Variants in PRPF39 observed in about 807,000 individuals in gnomAD.
The protein encoded by PRPF39 is pre-mRNA-processing factor 39.
In PRPF39, 27 loss-of-function variants were observed where a neutral mutation model predicts 82.1. The observed-to-expected ratio is 0.33, with a 90% CI of 0.24 to 0.45. The LOEUF is 0.45. PRPF39 is among the 20% of genes least tolerant of loss of function. The probability of loss-of-function intolerance (pLI) is 1.00; values close to 1 mark genes in which losing one functional copy is unlikely to be tolerated. For missense variants in PRPF39, 581 were observed against 796.9 expected, an observed-to-expected ratio of 0.73 and a Z score of 3.26; for synonymous variants, 261 against 256.4, an observed-to-expected ratio of 1.02 and a Z score of -0.17.
intron 1 of PRPF39, among the ~76,000 whole-genome samples, chr14:45,090,850 G>A (rs1883999128): frequency 6.6e-6 from 1 of 151,994 alleles, no homozygotes; most frequent in Non-Finnish European, 1.5e-5. Context: ...TACAGTGCTG[G>A]ACATCCATCA....
intron 4 of PRPF39, among the ~76,000 whole-genome samples, chr14:45,099,542 TCA>T (rs1270124337): frequency 1.3e-5 from 2 of 152,088 alleles, no homozygotes; most frequent in African/African-American, 4.8e-5. Flanking sequence ...CCTCCTGGGT[TCA>T]CGCCATTCTT....
intron 11 of PRPF39, among the ~76,000 whole-genome samples, chr14:45,113,365 A>G (rs1332399859): frequency 6.6e-6 from 1 of 152,234 alleles, no homozygotes; most frequent in African/African-American, 2.4e-5. Flanking sequence ...AATTCATAGC[A>G]GTAGAATGAG....
At position 45,103,114 on chromosome 14, in the gene PRPF39, A is replaced by G. The variant is rs534487291; in HGVS notation, c.737+418A>G. ...CTAAATATACATTATTGTGATTGCT[A>G]TAACACCTTATATCCAAAACAGTGA... On this transcript the variant is annotated intron_variant, in intron 5 of 13. Transcript: ENST00000355765. Among the ~76,000 whole-genome samples the G allele has an allele frequency of 6.6e-4, 101 of 152,312 alleles. No individual in the cohort carries two copies. The South Asian group carries it at 8.3e-3, about 12-fold the overall frequency.
In PRPF39 at chr14:45,114,548, TAC is replaced by T; in HGVS notation, c.1891_1892del (p.Gln631AspfsTer3). 1 of 1,606,292 alleles carries T rather than the reference TAC, an allele frequency of 6.2e-7. No homozygotes were observed. The highest frequency in any genetic ancestry group is 8.5e-7 in the Non-Finnish European group (1 of 1,177,070). On this transcript the variant is annotated frameshift_variant, in exon 13 of 14. Transcript: ENST00000355765. LOFTEE classifies it high-confidence loss of function. ...AHTEDTTSSSTQMIDGDLQAN... is the reference protein window; with the variant it reads ...AHTEDTTSSSXQMIDGDLQAN... Reference sequence around the variant, plus strand: ...ATACAGAAGATACAACTTCATCATCTACACAGATGATTGATGGTGATTTACAG... The same window carrying T: ...ATACAGAAGATACAACTTCATCATCTACAGATGATTGATGGTGATTTACAG...
intron 1 of PRPF39, among the ~76,000 whole-genome samples, chr14:45,088,510 T>C (rs895089155): frequency 1.3e-5 from 2 of 152,226 alleles, no homozygotes; most frequent in Non-Finnish European, 2.9e-5. Flanking sequence ...ATAGAATGTC[T>C]GGGCTGTACA....
intron 1 of PRPF39, among the ~76,000 whole-genome samples, chr14:45,084,701 C>CA (rs1883766127): frequency 6.6e-6 from 1 of 152,148 alleles, no homozygotes. Context: ...CTTCTGACTA[C>CA]ATAAGCAACA....
chr14:45,087,712 T>C (rs1164611665), intron 1 of PRPF39, among the ~76,000 whole-genome samples: 1 of 151,402 alleles, frequency 6.6e-6, no homozygotes, highest in Non-Finnish European at 1.5e-5. Context: ...AAGCTGGGAC[T>C]ACAGGCGCCC....
At chr14:45,113,308 C>T (rs573797346) in intron 11 of PRPF39, among the ~76,000 whole-genome samples, 47 of 152,108 alleles carry the variant, frequency 3.1e-4, no homozygotes, top group Non-Finnish European at 5.7e-4. Context: ...TATATATTTG[C>T]GTGCTTGGCA....
chr14:45,106,077 C>T (rs538091875), intron 5 of PRPF39, among the ~76,000 whole-genome samples: 12 of 151,980 alleles, frequency 7.9e-5, no homozygotes, highest in South Asian at 2.1e-4. Flanking sequence ...TGGCGGGGCA[C>T]GGTGGCTCAC....
chr14:45,093,173 A>AT (rs1884092050), intron 1 of PRPF39, among the ~76,000 whole-genome samples: 1 of 152,150 alleles, frequency 6.6e-6, no homozygotes, highest in South Asian at 2.1e-4. Flanking sequence ...TTCTGTATCA[A>AT]TACAGATGTA....
chr14:45,089,412 T>G (rs1883948065), intron 1 of PRPF39, among the ~76,000 whole-genome samples: 1 of 152,192 alleles, frequency 6.6e-6, no homozygotes, highest in Non-Finnish European at 1.5e-5. Context: ...GGGAGTTTAT[T>G]TCTGTGTTCT....
chr14:45,092,780 G>A (rs1037747489), intron 1 of PRPF39, among the ~76,000 whole-genome samples: 1 of 151,962 alleles, frequency 6.6e-6, no homozygotes, highest in Non-Finnish European at 1.5e-5. Context: ...CAGAATCATT[G>A]TAGTCGGTAA....
intron 12 of PRPF39, 57 bp from the exon 13 acceptor site, chr14:45,114,437 C>A: frequency 1.3e-6 from 2 of 1,483,516 alleles, no homozygotes; most frequent in South Asian, 1.4e-5. Flanking sequence ...TTCATCTATT[C>A]GTTAAAGTTC....
chr14:45,094,566 C>A lies in PRPF39; in HGVS notation c.-19-655C>A, dbSNP rs535400932. 1.2e-4 allele frequency among the ~76,000 whole-genome samples: 18 copies of A among 152,032 alleles called. 3 individuals carry two copies. The highest frequency in any genetic ancestry group is 3.6e-4 in the African/African-American group (15 of 41,458). Reference sequence around the variant, plus strand: ...GCAGCTGTGTGCCACCATGCCTGGCCCCTTAAATGTGTTTTAAGTAACATT... The same window carrying A: ...GCAGCTGTGTGCCACCATGCCTGGCACCTTAAATGTGTTTTAAGTAACATT... On this transcript the variant is annotated intron_variant, in intron 1 of 13. Transcript: ENST00000355765.
In PRPF39 at chr14:45,114,496, CAGA is replaced by C. The variant is rs1172989706; in HGVS notation, c.1840_1842del (p.Glu614del). 51 of 1,571,526 alleles carry C rather than the reference CAGA, an allele frequency of 3.2e-5. No individual in the cohort carries two copies. The highest frequency in any genetic ancestry group is 4.2e-5 in the Non-Finnish European group (49 of 1,166,858). ...TTCCATTCTGACGTTTTATATAGAT[CAGA>C]AGAACCAGAGGAAAAGAAAGCACAT... On this transcript the variant is annotated inframe_deletion, in exon 13 of 14. Transcript: ENST00000355765.
intron 1 of PRPF39, among the ~76,000 whole-genome samples, chr14:45,087,288 C>T (rs1227216003): frequency 6.6e-6 from 1 of 151,972 alleles, no homozygotes; most frequent in Non-Finnish European, 1.5e-5. Context: ...TTTGTAGAGA[C>T]AGCATTTCCC....
chr14:45,111,008 T>G (rs59353994), intron 10 of PRPF39, 191 bp downstream of exon 10: 47,102 of 579,894 alleles, frequency 0.081, 2,517 homozygotes, highest in African/African-American at 0.18. Context: ...TTAAAAGTTT[T>G]AGACATTAAG....
intron 11 of PRPF39, among the ~76,000 whole-genome samples, chr14:45,113,793 G>A (rs1162076457): frequency 6.6e-6 from 1 of 152,144 alleles, no homozygotes; most frequent in African/African-American, 2.4e-5. Flanking sequence ...AGTAACATCT[G>A]CTTGATTGGA....
rs1884825406 is a variant in PRPF39, at chr14:45,116,038, T to G, written c.*1125T>G. ...CAGGGATTCATAAGGGATTTATCTC[T>G]CAAAAGCTGGGACCAAGTAAACAAA... On this transcript the variant is annotated 3_prime_UTR_variant, in exon 14 of 14. Coordinates refer to ENST00000355765, the MANE Select transcript of PRPF39 (RefSeq NM_017922.4). The G allele has an allele frequency of 1.7e-6, 1 of 578,702 alleles. No individual in the cohort carries two copies. Among genetic ancestry groups the G allele is most frequent in the African/African-American group, 1.9e-5 (1 of 53,710 alleles). 35.8% of individuals were successfully genotyped at this position (578,702 alleles called of 1,614,324 possible).
Sources: gnomAD v4.1 joint callset for allele counts (sites outside exome capture counted in the v4.1 genomes callset) on GRCh38, gnomAD v4.1.1 for gene constraint, MANE v1.5 for transcripts, NCBI Gene and HGNC (gene_info 2026-07-23, HGNC 2026-07-21) for gene names.